The following TIMM22 variants were observed in gnomAD, a reference collection of about 807,000 sequenced individuals.
TIMM22 encodes mitochondrial import inner membrane translocase subunit Tim22.
Under a neutral mutation model 18.3 loss-of-function variants are expected in TIMM22, and 12 were observed. The observed-to-expected ratio is 0.65, with a 90% CI of 0.42 to 1.06. The LOEUF is 1.06. TIMM22 is among the 50% of genes least tolerant of loss of function. TIMM22 has a pLI of 0.00. For missense variants in TIMM22, 278 were observed against 252.8 expected, an observed-to-expected ratio of 1.10 and a Z score of -0.68; for synonymous variants, 107 against 98.5, an observed-to-expected ratio of 1.09 and a Z score of -0.51.
Position 998,813 on chromosome 17 carries a change from C to T in TIMM22, c.273C>T (p.Thr91=), listed in dbSNP as rs770461269. The T allele has an allele frequency of 7.4e-6, 12 of 1,613,788 alleles. No individual in the cohort carries two copies. In the Admixed American group the frequency reaches 8.3e-5, roughly 11 times the overall value. Residue 91 remains threonine (T), a synonymous_variant, in exon 2 of 4, where the codon ACC becomes ACT. Coordinates refer to ENST00000327158, the MANE Select transcript of TIMM22 (RefSeq NM_013337.4). ...TAGGAGGTGCATTTGGGGTGTTTAC[C>T]GCTGGCATCGATACCAACGTGGGCT... ...FVLGGAFGVF[T]AGIDTNVGFD...
At position 1,003,601 on chromosome 17, in the gene TIMM22, A is replaced by G. The variant is rs1165630520; in HGVS notation, c.*2513A>G. ...GGTTTACATCAATTTATAATAATCT[A>G]CATAAGTTGAAACAGAACATAGACA... On this transcript the variant is annotated 3_prime_UTR_variant, in exon 4 of 4. Coordinates refer to ENST00000327158, the MANE Select transcript of TIMM22 (RefSeq NM_013337.4). 6.6e-6 allele frequency: 1 copy of G among 152,628 alleles called. No individual in the cohort carries two copies. The highest frequency in any genetic ancestry group is 1.5e-5 in the Non-Finnish European group (1 of 68,042). 9.5% of individuals were successfully genotyped at this position (152,628 alleles called of 1,614,324 possible).
intron 3 of TIMM22, among the ~76,000 whole-genome samples, chr17:1,000,246 A>G (rs918093411): frequency 2.0e-5 from 3 of 151,420 alleles, no homozygotes; most frequent in Non-Finnish European, 4.4e-5. Context: ...TATAATGGTA[A>G]TATCTTTCTG....
At chr17:1,000,066 A>ATTTTTATT (rs774191586) in intron 3 of TIMM22, among the ~76,000 whole-genome samples, 67,434 of 150,374 alleles carry the variant, frequency 0.45, 17,411 homozygotes, top group African/African-American at 0.71. Context: ...TGCTCAGCTA[A>ATTTTTATT]TTTTTATTTT....
chr17:999,629 A>T, intron 3 of TIMM22, 45 bp downstream of exon 3: 1 of 1,588,580 alleles, frequency 6.3e-7, no homozygotes, highest in Non-Finnish European at 8.6e-7. Context: ...GGCCTTGGAC[A>T]ACGTGCTGAG....
Position 1,002,996 on chromosome 17 carries a change from A to C in TIMM22, c.*1908A>C, listed in dbSNP as rs1040848703. The C allele has an allele frequency of 6.6e-6, 1 of 152,116 alleles. No individual in the cohort carries two copies. Among genetic ancestry groups the C allele is most frequent in the Non-Finnish European group, 1.5e-5 (1 of 68,040 alleles). 9.4% of individuals were successfully genotyped at this position (152,116 alleles called of 1,614,324 possible). A position where few individuals can be genotyped will look rare whatever the true frequency, so the allele number is the denominator to read the frequency against. ...CAATTTTCAGAGACATCTGTTCCTG[A>C]TCTTCAGAATAAACTCAGTGTCCAG... is the stretch of plus-strand genomic sequence containing the variant. On this transcript the variant is annotated 3_prime_UTR_variant, in exon 4 of 4. Transcript: ENST00000327158.
rs539310481 is a variant in TIMM22, at chr17:1,000,980, C to G, written c.509-32C>G. The G allele has an allele frequency of 2.5e-6, 4 of 1,613,292 alleles. No individual in the cohort carries two copies. In the African/African-American group the frequency reaches 5.3e-5, roughly 22 times the overall value. Reference sequence around the variant, plus strand: ...TGCCTCGTGACCCAGCAGCTGTCACCACAGGTCATGTTCTTTCTGTTTGTT... The same window carrying G: ...TGCCTCGTGACCCAGCAGCTGTCACGACAGGTCATGTTCTTTCTGTTTGTT... On this transcript the variant is annotated intron_variant, in intron 3 of 3. Transcript: ENST00000327158.
At chr17:1,000,904 C>T in intron 3 of TIMM22, 108 bp from the exon 4 acceptor site, 1 of 1,061,308 alleles carries the variant, frequency 9.4e-7, no homozygotes, top group Non-Finnish European at 1.5e-6. Flanking sequence ...GAATGACTTA[C>T]AGTGCTTAAG....
Position 1,000,329 on chromosome 17 carries a change from CA to C in TIMM22, c.509-666del, listed in dbSNP as rs59329011. 9.7e-3 allele frequency among the ~76,000 whole-genome samples: 1,340 copies of C among 137,560 alleles called. 7 individuals are homozygous for C. Among genetic ancestry groups the C allele is most frequent in the African/African-American group, 0.021 (776 of 37,480 alleles). 90.2% of individuals were successfully genotyped at this position (137,560 alleles called of 152,430 possible). A position where few individuals can be genotyped will look rare whatever the true frequency, so the allele number is the denominator to read the frequency against. The stretch of plus-strand genomic sequence containing the variant: ...TCTAGAAATATTAGATTATCAGCTG[CA>C]AAAAAAAAAAAAAAAAGAAAACCAA... On this transcript the variant is annotated intron_variant, in intron 3 of 3. Transcript: ENST00000327158.
rs1461899236 is a variant in TIMM22, at chr17:1,003,170, T to C, written c.*2082T>C. 6.6e-6 allele frequency: 1 copy of C among 151,966 alleles called. No homozygotes were observed. The highest frequency in any genetic ancestry group is 2.4e-5 in the African/African-American group (1 of 41,350). The allele number at this position is 151,966 out of a possible 1,614,324, so 9.4% of individuals were successfully genotyped here. On this transcript the variant is annotated 3_prime_UTR_variant, in exon 4 of 4. Coordinates refer to ENST00000327158, the MANE Select transcript of TIMM22 (RefSeq NM_013337.4). ...CTTTGAAGGAAAGCGTAGAGAAGCG[T>C]TTACATAAAAGAAGACGCTTCCTGT...
In TIMM22 at chr17:1,002,488, C is replaced by T. The variant is rs1003694354; in HGVS notation, c.*1400C>T. 1 of 152,248 alleles carries T rather than the reference C, an allele frequency of 6.6e-6. No individual in the cohort carries two copies. The highest frequency in any genetic ancestry group is 2.4e-5 in the African/African-American group (1 of 41,462). The allele number at this position is 152,248 out of a possible 1,614,324, so 9.4% of individuals were successfully genotyped here. A position where few individuals can be genotyped will look rare whatever the true frequency, so the allele number is the denominator to read the frequency against. On this transcript the variant is annotated 3_prime_UTR_variant, in exon 4 of 4. Transcript: ENST00000327158. ...TGTACATGAGTGATGATGTCAAACC[C>T]AGCTGGTAACACCTTCCTTGGGTCA...
In TIMM22 at chr17:999,569, G is replaced by A; in HGVS notation, c.493G>A (p.Ala165Thr). ...SVISGCITGG[A>T]IGFRAGLKAG... Reference sequence around the variant, plus strand: ...CATCAGTGGCTGCATCACGGGAGGAGCTATTGGTTTCAGAGGTTAGTAAAC... The same window carrying A: ...CATCAGTGGCTGCATCACGGGAGGAACTATTGGTTTCAGAGGTTAGTAAAC... The change falls in exon 3 of 4, where the codon GCT (alanine) becomes ACT (threonine). Residue 165 changes from alanine to threonine, a missense_variant. Transcript: ENST00000327158. 3 of 1,613,438 alleles carry A rather than the reference G, an allele frequency of 1.9e-6. No individual in the cohort carries two copies. The highest frequency in any genetic ancestry group is 2.5e-6 in the Non-Finnish European group (3 of 1,179,744).
chr17:1,000,924 T>C (rs1042862827), intron 3 of TIMM22, 88 bp from the exon 4 acceptor site: 43 of 1,315,568 alleles, frequency 3.3e-5, no homozygotes, highest in Middle Eastern at 3.6e-4. Context: ...GCTCATTTCA[T>C]GACACTGAGG....
In TIMM22 at chr17:998,864, A is replaced by G. The variant is rs2150664862; in HGVS notation, c.324A>G (p.Thr108=). 2 of 1,614,166 alleles carry G rather than the reference A, an allele frequency of 1.2e-6. No homozygotes were observed. Among genetic ancestry groups the G allele is most frequent in the Non-Finnish European group, 1.7e-6 (2 of 1,180,030 alleles). Residue 108 remains threonine, a synonymous_variant, in exon 2 of 4, where the codon ACA becomes ACG. Coordinates refer to ENST00000327158, the MANE Select transcript of TIMM22 (RefSeq NM_013337.4). The part of the protein sequence containing the change: ...VGFDPKDPYR[T]PTAKEVLKDM... Reference sequence around the variant, plus strand: ...TTGACCCTAAGGATCCTTACCGTACACCGACTGCAAAAGAAGTGCTGAAAG... The same window carrying G: ...TTGACCCTAAGGATCCTTACCGTACGCCGACTGCAAAAGAAGTGCTGAAAG...
chr17:1,000,878 A>C, intron 3 of TIMM22, 134 bp from the exon 4 acceptor site: 2 of 842,678 alleles, frequency 2.4e-6, no homozygotes, highest in Non-Finnish European at 4.0e-6. Context: ...GATGTCTTCC[A>C]GAGCTATGAT....
At chr17:997,485 G>T (rs1313839197) in intron 1 of TIMM22, 105 bp downstream of exon 1, 5 of 1,117,992 alleles carry the variant, frequency 4.5e-6, no homozygotes, top group Non-Finnish European at 5.1e-6. Flanking sequence ...TGCGGGCCTT[G>T]ACCTTGACCA....
At position 1,001,300 on chromosome 17, in the gene TIMM22, C is replaced by G. The variant is rs1009146100; in HGVS notation, c.*212C>G. On this transcript the variant is annotated 3_prime_UTR_variant, in exon 4 of 4. Transcript: ENST00000327158. ...CTGCTCCTGGACTCCAGCCAGCCTT[C>G]ACAGAGGACGTCCCGTGCCAGATTC... 2.9e-5 allele frequency: 15 copies of G among 518,166 alleles called. No individual in the cohort carries two copies. The highest frequency in any genetic ancestry group is 4.9e-5 in the Non-Finnish European group (14 of 284,960). 32.1% of individuals were successfully genotyped at this position (518,166 alleles called of 1,614,324 possible).
chr17:999,091 CA>C, intron 2 of TIMM22, 116 bp downstream of exon 2: 2 of 1,047,184 alleles, frequency 1.9e-6, no homozygotes, highest in Non-Finnish European at 2.7e-6. Context: ...AAATCAGAAG[CA>C]TCAGATACAT....
intron 3 of TIMM22, 82 bp from the exon 4 acceptor site, chr17:1,000,930 T>G (rs371528732): frequency 7.2e-7 from 1 of 1,393,846 alleles, no homozygotes; most frequent in East Asian, 2.3e-5. Flanking sequence ...TTCATGACAC[T>G]GAGGGTGTGC....
At chr17:999,323 C>CTA (rs57081954) in intron 2 of TIMM22, among the ~76,000 whole-genome samples, 189 bp from the exon 3 acceptor site, 2,642 of 120,110 alleles carry the variant, frequency 0.022, 42 homozygotes, top group East Asian at 0.047. Flanking sequence ...TGAACGCATA[C>CTA]TATATATATA....
Sources: gnomAD v4.1 joint callset for allele counts (sites outside exome capture counted in the v4.1 genomes callset) on GRCh38, gnomAD v4.1.1 for gene constraint, MANE v1.5 for transcripts, NCBI Gene and HGNC (gene_info 2026-07-23, HGNC 2026-07-21) for gene names.